The following ABAT variants were observed in gnomAD, a reference collection of about 807,000 sequenced individuals.
ABAT encodes 4-aminobutyrate aminotransferase, mitochondrial.
In ABAT, 45 loss-of-function variants were observed where a neutral mutation model predicts 64.6. That is an observed-to-expected ratio of 0.70 (90% CI 0.55 to 0.89). The LOEUF (loss-of-function observed/expected upper bound fraction) is 0.89, where lower values mean the gene tolerates loss of function less well. Among genes scored for constraint, ABAT ranks in the 40% least tolerant of loss-of-function variants. ABAT has a pLI of 0.00. For synonymous variants in ABAT, 297 were observed against 250.5 expected (o/e 1.19, Z -1.75); for missense variants, 633 against 658.4 (o/e 0.96, Z 0.42).
intron 1 of ABAT, among the ~76,000 whole-genome samples, chr16:8,721,124 G>A (rs574075622): frequency 3.0e-4 from 45 of 152,308 alleles, no homozygotes; most frequent in Non-Finnish European, 5.6e-4. Context: ...GTTACTTAAT[G>A]TGCCTGAGGT....
chr16:8,733,114 G>T (rs28568507), intron 1 of ABAT, among the ~76,000 whole-genome samples: 134,670 of 137,530 alleles, frequency 0.98, 66,015 homozygotes, highest in Non-Finnish European at 0.99. Context: ...GCGGCTGGCC[G>T]GGCGGGGGGC....
intron 6 of ABAT, among the ~76,000 whole-genome samples, chr16:8,760,612 C>T (rs767917205): frequency 5.9e-5 from 9 of 152,208 alleles, no homozygotes; most frequent in Non-Finnish European, 1.2e-4. Context: ...CGGAGGCTCC[C>T]GAATGTGTTT....
chr16:8,765,418 C>G (rs1630161), intron 8 of ABAT, among the ~76,000 whole-genome samples: 19,297 of 151,794 alleles, frequency 0.13, 1,650 homozygotes, highest in African/African-American at 0.25. Context: ...AATCCCAGCA[C>G]TTCGGGAGGC....
In ABAT at chr16:8,776,960, G is replaced by A. The variant is rs147790769; in HGVS notation, c.1269+470G>A. ...TGTACCCAGGCTGGAGTGCAGTGGC[G>A]CAATCTCAGCTCACCGCAACCGCTG... On this transcript the variant is annotated intron_variant, in intron 14 of 15. Transcript: ENST00000268251. This position sits in a 1 kb window ranked among gnomAD's most constrained non-coding sequence, Gnocchi z 4.4. Among the ~76,000 whole-genome samples, 13 of 152,124 alleles carry A rather than the reference G, an allele frequency of 8.5e-5. No homozygotes were observed. Among genetic ancestry groups the A allele is most frequent in the African/African-American group, 2.7e-4 (11 of 41,490 alleles).
At position 8,776,626 on chromosome 16, in the gene ABAT, C is replaced by T. The variant is rs1306778126; in HGVS notation, c.1269+136C>T. 2.1e-6 allele frequency: 2 copies of T among 954,754 alleles called. No individual in the cohort carries two copies. The highest frequency in any genetic ancestry group is 3.2e-6 in the Non-Finnish European group (2 of 623,970). 59.1% of individuals were successfully genotyped at this position (954,754 alleles called of 1,614,324 possible). ...CGTAACGGGCTGTGCTGCTCCTAGC[C>T]TTGGGGGCTTTGCACATGCTGTGTC... On this transcript the variant is annotated intron_variant, in intron 14 of 15. Coordinates refer to ENST00000268251, the MANE Select transcript of ABAT (RefSeq NM_020686.6). This position sits in a 1 kb window ranked among gnomAD's most constrained non-coding sequence, Gnocchi z 4.4.
intron 1 of ABAT, among the ~76,000 whole-genome samples, chr16:8,696,072 C>T (rs1317373260): frequency 6.6e-6 from 1 of 152,186 alleles, no homozygotes; most frequent in Non-Finnish European, 1.5e-5. Context: ...AATCCGCCTT[C>T]GATTTTGTAA....
chr16:8,689,767 G>A (rs1267008208), intron 1 of ABAT, among the ~76,000 whole-genome samples: 2 of 152,186 alleles, frequency 1.3e-5, no homozygotes, highest in Non-Finnish European at 2.9e-5. Context: ...CAAGGGAAAA[G>A]CATTTTGGGT....
chr16:8,747,072 T>C (rs2059353728), intron 3 of ABAT, among the ~76,000 whole-genome samples: 1 of 152,178 alleles, frequency 6.6e-6, no homozygotes, highest in African/African-American at 2.4e-5. Flanking sequence ...GAGGAGAACA[T>C]GGTATAGTTC....
chr16:8,778,497 G>A (rs572294640), intron 14 of ABAT, among the ~76,000 whole-genome samples: 57 of 152,206 alleles, frequency 3.7e-4, no homozygotes, highest in South Asian at 2.7e-3. Flanking sequence ...TCATTGAGCC[G>A]GGCGCTGTGG....
chr16:8,705,680 C>A (rs1457648243), intron 1 of ABAT, among the ~76,000 whole-genome samples: 1 of 152,134 alleles, frequency 6.6e-6, no homozygotes, highest in Non-Finnish European at 1.5e-5. Context: ...GCTGAACTCC[C>A]AGGCAGTTCG....
chr16:8,768,680 G>C, intron 10 of ABAT, 145 bp from the exon 11 acceptor site: 1 of 1,139,070 alleles, frequency 8.8e-7, no homozygotes, highest in Non-Finnish European at 1.3e-6. Flanking sequence ...AAAATTAAAC[G>C]ATAAAAAGAA....
At chr16:8,747,192 T>C (rs910324522) in intron 3 of ABAT, among the ~76,000 whole-genome samples, 5 of 152,100 alleles carry the variant, frequency 3.3e-5, no homozygotes, top group African/African-American at 1.2e-4. Context: ...GGGTACAACA[T>C]CCAAACAACA....
At chr16:8,730,824 ATC>A (rs2058697059) in intron 1 of ABAT, among the ~76,000 whole-genome samples, 1 of 152,188 alleles carries the variant, frequency 6.6e-6, no homozygotes, top group Admixed American at 6.5e-5. Context: ...TGAGCCAGAT[ATC>A]TCTCAACCCC....
At chr16:8,679,232 G>A (rs2057274751) in intron 1 of ABAT, among the ~76,000 whole-genome samples, 1 of 152,148 alleles carries the variant, frequency 6.6e-6, no homozygotes, top group African/African-American at 2.4e-5. Context: ...ACCCACAGAG[G>A]TTGAGAGACT....
intron 1 of ABAT, among the ~76,000 whole-genome samples, chr16:8,726,766 A>G (rs904592408): frequency 6.6e-6 from 1 of 152,198 alleles, no homozygotes; most frequent in Non-Finnish European, 1.5e-5. Flanking sequence ...AGGAACCTCC[A>G]ACTGTTCTCC....
At chr16:8,729,017 T>A (rs2058639617) in intron 1 of ABAT, among the ~76,000 whole-genome samples, 1 of 151,678 alleles carries the variant, frequency 6.6e-6, no homozygotes, top group Non-Finnish European at 1.5e-5. Flanking sequence ...ATATCAACAA[T>A]AGCTAGGGGC....
rs79121624 is a variant in ABAT, at chr16:8,765,986, G to A, written c.541-222G>A. On this transcript the variant is annotated intron_variant, in intron 8 of 15. Coordinates refer to ENST00000268251, the MANE Select transcript of ABAT (RefSeq NM_020686.6). ...GATCTTAATCCAACAGATCTTAATC[G>A]TTGCTGATGGTGCTTAATGCATTAT... The A allele has an allele frequency of 9.8e-3, 4,968 of 507,580 alleles. 164 individuals carry two copies. Among genetic ancestry groups the A allele is most frequent in the African/African-American group, 0.074 (3,842 of 51,746 alleles). 31.4% of individuals were successfully genotyped at this position (507,580 alleles called of 1,614,324 possible). A position where few individuals can be genotyped will look rare whatever the true frequency, so the allele number is the denominator to read the frequency against.
intron 11 of ABAT, among the ~76,000 whole-genome samples, 183 bp downstream of exon 11, chr16:8,769,156 A>G (rs1468918756): frequency 6.6e-6 from 1 of 152,188 alleles, no homozygotes; most frequent in African/African-American, 2.4e-5. Flanking sequence ...AGAGTTCGTG[A>G]GACACACTGT....
At chr16:8,710,502 C>T (rs1476389444) in intron 1 of ABAT, among the ~76,000 whole-genome samples, 11 of 151,912 alleles carry the variant, frequency 7.2e-5, no homozygotes, top group East Asian at 5.8e-4. Flanking sequence ...CTTTGGGAGG[C>T]GAGGTGAGAG....
Sources: allele counts gnomAD v4.1 joint callset (sites outside exome capture counted in the v4.1 genomes callset), GRCh38; gene constraint gnomAD v4.1.1; non-coding constraint Gnocchi (gnomAD v3.1); transcripts MANE v1.5; gene names NCBI Gene and HGNC (gene_info 2026-07-23, HGNC 2026-07-21).